ERC2: variants seen among roughly 807,000 people sequenced by gnomAD.
ERC2 encodes the protein ERC protein 2.
A neutral mutation model predicts 114.8 loss-of-function variants in ERC2; 42 were observed. The observed-to-expected ratio is 0.37, with a 90% confidence interval of 0.29 to 0.47. The LOEUF (loss-of-function observed/expected upper bound fraction) is 0.47. ERC2 is among the 20% of genes least tolerant of loss of function. The pLI, the probability that ERC2 is intolerant of heterozygous loss-of-function variation, is 0.99. For synonymous variants in ERC2, 454 were observed against 425.5 expected (o/e 1.07, Z -0.82); for missense variants, 939 against 1,150.7 (o/e 0.82, Z 2.66).
At chr3:56,371,269 C>T (rs2059353086) in intron 2 of ERC2, among the ~76,000 whole-genome samples, 1 of 152,322 alleles carries the variant, frequency 6.6e-6, no homozygotes, top group African/African-American at 2.4e-5. Context: ...CAATGACTGC[C>T]AGTTTCTCTA....
intron 14 of ERC2, among the ~76,000 whole-genome samples, chr3:55,762,873 T>C (rs576795112): frequency 4.6e-5 from 7 of 152,354 alleles, no homozygotes; most frequent in African/African-American, 1.7e-4. Context: ...ACCTGAATTA[T>C]TTCACATAGC....
intron 14 of ERC2, among the ~76,000 whole-genome samples, chr3:55,757,458 A>T (rs971590593): frequency 1.3e-5 from 2 of 152,160 alleles, no homozygotes; most frequent in Non-Finnish European, 1.5e-5. Context: ...CATTATAATA[A>T]AATTATACTA....
intron 2 of ERC2, among the ~76,000 whole-genome samples, chr3:56,348,091 G>T (rs1016277514): frequency 2.6e-5 from 4 of 152,086 alleles, no homozygotes; most frequent in African/African-American, 9.7e-5. Context: ...GCTGTTCCCA[G>T]GCCAGACACC....
intron 6 of ERC2, among the ~76,000 whole-genome samples, chr3:56,134,583 G>A (rs2080387111): frequency 6.6e-6 from 1 of 151,942 alleles, no homozygotes. Flanking sequence ...TTTGGTGGGG[G>A]GGTTTAATTG....
intron 14 of ERC2, among the ~76,000 whole-genome samples, chr3:55,827,993 A>T (rs533547903): frequency 4.8e-4 from 73 of 152,362 alleles, no homozygotes; most frequent in African/African-American, 1.7e-3. Flanking sequence ...AGCCGATGGA[A>T]ACCAGCTGGA....
At chr3:56,267,997 C>A (rs143521099) in intron 3 of ERC2, among the ~76,000 whole-genome samples, 1 of 152,220 alleles carries the variant, frequency 6.6e-6, no homozygotes, top group African/African-American at 2.4e-5. Flanking sequence ...CAGACACAAT[C>A]AAGAAAGGTA....
At chr3:56,081,767 T>C (rs1251621936) in intron 6 of ERC2, among the ~76,000 whole-genome samples, 1 of 152,088 alleles carries the variant, frequency 6.6e-6, no homozygotes, top group African/African-American at 2.4e-5. Flanking sequence ...TAGAAAAATA[T>C]CACTGGGGTG....
intron 14 of ERC2, among the ~76,000 whole-genome samples, chr3:55,742,868 A>G (rs2066055361): frequency 6.6e-6 from 1 of 152,242 alleles, no homozygotes; most frequent in African/African-American, 2.4e-5. Flanking sequence ...AATTAATATC[A>G]ACCCTACCCA....
chr3:56,155,800 G>A (rs138818112), intron 4 of ERC2, among the ~76,000 whole-genome samples: 118 of 152,134 alleles, frequency 7.8e-4, no homozygotes, highest in African/African-American at 2.7e-3. Flanking sequence ...ATGTGCCCAG[G>A]ATATAATATT....
chr3:56,185,837 T>C (rs1256760116), intron 3 of ERC2, among the ~76,000 whole-genome samples: 1 of 152,110 alleles, frequency 6.6e-6, no homozygotes, highest in Non-Finnish European at 1.5e-5. Context: ...ATGTGCCTTA[T>C]AAAAGCTGAG....
rs552535699 is a variant in ERC2 at position 55,945,324 on chromosome 3, G to A, written c.2403+5101C>T. On this transcript the variant is annotated intron_variant, in intron 13 of 17. Coordinates refer to ENST00000288221, the MANE Select transcript of ERC2 (RefSeq NM_015576.3). ...GCTGGTCAGGTTTCTTCTAATGGCA[G>A]TACTTAGGTAAGTGTACCATAACAC... Among the ~76,000 whole-genome samples the A allele has an allele frequency of 3.9e-5, 6 of 152,316 alleles. No homozygotes were observed. The South Asian group carries it at 1.0e-3, about 26-fold the overall frequency.
At chr3:56,147,968 A>T (rs1342215736) in intron 5 of ERC2, among the ~76,000 whole-genome samples, 1 of 152,226 alleles carries the variant, frequency 6.6e-6, no homozygotes, top group African/African-American at 2.4e-5. Context: ...TGACAATAAC[A>T]ATATAAACTA....
intron 7 of ERC2, among the ~76,000 whole-genome samples, chr3:56,080,340 A>T (rs966818652): frequency 6.6e-6 from 1 of 152,138 alleles, no homozygotes; most frequent in Admixed American, 6.5e-5. Flanking sequence ...ATTATTATAC[A>T]TTCTTTCCAT....
rs1044543750 is a variant in ERC2 at position 56,139,436 on chromosome 3, A to G, written c.1473+73T>C. On this transcript the variant is annotated intron_variant, in intron 6 of 17. Coordinates refer to ENST00000288221, the MANE Select transcript of ERC2 (RefSeq NM_015576.3). Reference sequence around the variant, plus strand: ...GGTTAGGATAAAGGGTCTTTGGAGGAAAGTTGTTCAGGTAGGGCAATTTCT... The same window carrying G: ...GGTTAGGATAAAGGGTCTTTGGAGGGAAGTTGTTCAGGTAGGGCAATTTCT... The G allele has an allele frequency of 8.9e-6, 13 of 1,462,334 alleles. No homozygotes were observed. In the African/African-American group the frequency reaches 1.7e-4, roughly 19 times the overall value. 90.6% of individuals were successfully genotyped at this position (1,462,334 alleles called of 1,614,324 possible). A position where few individuals can be genotyped will look rare whatever the true frequency, so the allele number is the denominator to read the frequency against.
At chr3:55,534,709 G>T (rs2053885604) in intron 17 of ERC2, among the ~76,000 whole-genome samples, 1 of 152,054 alleles carries the variant, frequency 6.6e-6, no homozygotes, top group African/African-American at 2.4e-5. Flanking sequence ...GAAGGACCTA[G>T]TACAGGACCT....
intron 14 of ERC2, among the ~76,000 whole-genome samples, chr3:55,774,108 TTCAA>T (rs2068427478): frequency 6.6e-6 from 1 of 152,072 alleles, no homozygotes; most frequent in East Asian, 1.9e-4. Context: ...AGCACCCTCA[TTCAA>T]CACACACTTT....
chr3:55,898,993 G>A (rs944030055), intron 13 of ERC2, among the ~76,000 whole-genome samples: 9 of 152,010 alleles, frequency 5.9e-5, no homozygotes, highest in African/African-American at 2.2e-4. Context: ...AACTACATGC[G>A]GCACTTCCAA....
chr3:56,420,517 C>T (rs2061345019), intron 2 of ERC2, among the ~76,000 whole-genome samples: 1 of 151,890 alleles, frequency 6.6e-6, no homozygotes, highest in South Asian at 2.1e-4. Context: ...TTATTACTTA[C>T]TTCTAAAAGT....
At chr3:55,923,120 G>A (rs574676744) in intron 13 of ERC2, among the ~76,000 whole-genome samples, 1 of 152,192 alleles carries the variant, frequency 6.6e-6, no homozygotes, top group East Asian at 1.9e-4. Flanking sequence ...CCAGGAAGTA[G>A]AAACAACCCA....
Sources: allele counts gnomAD v4.1 joint callset (sites outside exome capture counted in the v4.1 genomes callset), GRCh38; gene constraint gnomAD v4.1.1; transcripts MANE v1.5; gene names NCBI Gene and HGNC (gene_info 2026-07-23, HGNC 2026-07-21).